The following METTL27 variants were observed in gnomAD, a reference collection of about 807,000 sequenced individuals.
METTL27 encodes methyltransferase-like protein 27.
A neutral mutation model predicts 24.5 loss-of-function variants in METTL27; 29 were observed. That is an observed-to-expected ratio of 1.18 (90% CI 0.88 to 1.61). METTL27 has a LOEUF of 1.61. Among genes scored for constraint, METTL27 ranks in the 40% most tolerant of loss-of-function variants. The probability of loss-of-function intolerance (pLI) is 0.00; values close to 1 mark genes in which losing one functional copy is unlikely to be tolerated. For synonymous variants in METTL27, 138 were observed against 146.8 expected (o/e 0.94, Z 0.43); for missense variants, 341 against 324.3 (o/e 1.05, Z -0.40).
Position 73,840,126 on chromosome 7 carries a change from TG to T in METTL27, c.389-7del. 1 of 1,258,376 alleles carries T rather than the reference TG, an allele frequency of 7.9e-7. No individual in the cohort carries two copies. Among genetic ancestry groups the T allele is most frequent in the Non-Finnish European group, 1.1e-6 (1 of 944,786 alleles). 78.0% of individuals were successfully genotyped at this position (1,258,376 alleles called of 1,614,324 possible). A position where few individuals can be genotyped will look rare whatever the true frequency, so the allele number is the denominator to read the frequency against. ...CAGCACCGCGTCGAAGGTCCCTGTG[TG>T]TGTGTGGGGGGGGGTGGGGACATGG... On this transcript the variant is annotated splice_polypyrimidine_tract_variant and splice_region_variant and intron_variant, in intron 4 of 5. Transcript: ENST00000297873.
rs1342750610 is a variant in METTL27, at chr7:73,837,251, T to G, written c.479-2249A>C. The stretch of plus-strand genomic sequence containing the variant: ...GTCCTATGACCCTGCCAAATCCCCC[T>G]CTGTGAGAAACACCCAAGAATTATC... On this transcript the variant is annotated intron_variant, in intron 5 of 5. Transcript: ENST00000297873. 1.9e-4 allele frequency among the ~76,000 whole-genome samples: 26 copies of G among 137,608 alleles called. No individual in the cohort carries two copies. In the East Asian group the frequency reaches 4.8e-3, roughly 25 times the overall value. 90.3% of individuals were successfully genotyped at this position (137,608 alleles called of 152,430 possible). A position where few individuals can be genotyped will look rare whatever the true frequency, so the allele number is the denominator to read the frequency against.
rs782303591 is a variant in METTL27, at chr7:73,834,772, T to A, written c.709A>T (p.Ser237Cys). ...TTCCTCAACCTGGGTCGCCTTCCAC[T>A]TTCGGTACAGGTAGACAATGCCGGA... ...SSPALSTCTE[S>C]GRRPRLRK Residue 237 changes from serine to cysteine, a missense_variant, in exon 6 of 6, where the codon AGT becomes TGT. Transcript: ENST00000297873. 1.9e-6 allele frequency: 3 copies of A among 1,614,124 alleles called. No homozygotes were observed. The highest frequency in any genetic ancestry group is 2.5e-6 in the Non-Finnish European group (3 of 1,180,016).
In METTL27 at chr7:73,836,075, G is replaced by A. The variant is rs1271360075; in HGVS notation, c.479-1073C>T. Reference sequence around the variant, plus strand: ...CGCCCGGCAGCCACCCCATCCGGGAGGGAGGTGGGGGGGTCAGCCCCCCGC... The same window carrying A: ...CGCCCGGCAGCCACCCCATCCGGGAAGGAGGTGGGGGGGTCAGCCCCCCGC... On this transcript the variant is annotated intron_variant, in intron 5 of 5. Transcript: ENST00000297873. Among the ~76,000 whole-genome samples, 8 of 152,138 alleles carry A rather than the reference G, an allele frequency of 5.3e-5. No individual in the cohort carries two copies. In the East Asian group the frequency reaches 1.6e-3, roughly 30 times the overall value.
chr7:73,835,039 G>T, intron 5 of METTL27, 37 bp from the exon 6 acceptor site: 1 of 1,574,340 alleles, frequency 6.4e-7, no homozygotes. Flanking sequence ...GGGAGGGGCA[G>T]GAGCCACAGT....
Position 73,842,143 on chromosome 7 carries a change from T to C in METTL27, c.-3A>G. The stretch of plus-strand genomic sequence containing the variant: ...CTCCCACCCTCCTCCTGGGCCATGC[T>C]CCTGTGGGGACACCGTTGCCCTGTC... On this transcript the variant is annotated splice_region_variant and 5_prime_UTR_variant, in exon 2 of 6. Transcript: ENST00000297873. 6.2e-7 allele frequency: 1 copy of C among 1,606,432 alleles called. No homozygotes were observed. Among genetic ancestry groups the C allele is most frequent in the Non-Finnish European group, 8.5e-7 (1 of 1,178,342 alleles).
intron 5 of METTL27, among the ~76,000 whole-genome samples, chr7:73,837,295 A>AAAT (rs1166550160): frequency 9.5e-6 from 1 of 105,260 alleles, no homozygotes; most frequent in Non-Finnish European, 2.2e-5. Context: ...ATAAATAAAT[A>AAAT]AATAAATAAA....
In METTL27 at chr7:73,841,059, A is replaced by C. The variant is rs1426471865; in HGVS notation, c.252+11T>G. 5.4e-6 allele frequency: 8 copies of C among 1,474,130 alleles called. No individual in the cohort carries two copies. Among genetic ancestry groups the C allele is most frequent in the Non-Finnish European group, 7.2e-6 (8 of 1,117,644 alleles). The allele number at this position is 1,474,130 out of a possible 1,614,324, so 91.3% of individuals were successfully genotyped here. On this transcript the variant is annotated intron_variant, in intron 3 of 5. Coordinates refer to ENST00000297873, the MANE Select transcript of METTL27 (RefSeq NM_152559.3). ...GCTAAGGAGTAGGCAGGGGATCTGGAAGAGCCTCACCTCGGCAGCCACTAG... is the reference window on the plus strand; with the variant it reads ...GCTAAGGAGTAGGCAGGGGATCTGGCAGAGCCTCACCTCGGCAGCCACTAG...
Position 73,840,685 on chromosome 7 carries a change from GTC to G in METTL27, c.253-138_253-137del, listed in dbSNP as rs1167323886. The G allele has an allele frequency of 4.7e-6, 6 of 1,263,404 alleles. No individual in the cohort carries two copies. The South Asian group carries it at 8.0e-5, about 17-fold the overall frequency. 78.3% of individuals were successfully genotyped at this position (1,263,404 alleles called of 1,614,324 possible). On this transcript the variant is annotated intron_variant, in intron 3 of 5. Transcript: ENST00000297873. Reference sequence around the variant, plus strand: ...GCTTTTTTTAAATTTTTGAGACAAGGTCTCTCTCTGTCGCCCAAACTGGAGTG... The same window carrying G: ...GCTTTTTTTAAATTTTTGAGACAAGGTCTCTCTGTCGCCCAAACTGGAGTG...
Position 73,842,054 on chromosome 7 carries a change from G to A in METTL27, c.87C>T (p.Leu29=), listed in dbSNP as rs1554636563. The A allele has an allele frequency of 6.2e-7, 1 of 1,614,120 alleles. No individual in the cohort carries two copies. The highest frequency in any genetic ancestry group is 1.1e-5 in the South Asian group (1 of 91,084). ...CCGGAGCCCAGCGGTCATAGAAATG[G>A]AGCTTTTGGGCCAGGTCGGGGATGC... is the stretch of plus-strand genomic sequence containing the variant. ...AHGIPDLAQK[L]HFYDRWAPDY... Residue 29 remains leucine (L), a synonymous_variant, in exon 2 of 6, where the codon CTC becomes CTT. Transcript: ENST00000297873.
At chr7:73,835,067 G>A in intron 5 of METTL27, 65 bp from the exon 6 acceptor site, 1 of 1,511,180 alleles carries the variant, frequency 6.6e-7, no homozygotes, top group Non-Finnish European at 8.8e-7. Flanking sequence ...CATCTCTGCT[G>A]GGGATGGTTG....
chr7:73,838,743 G>A (rs184206933), intron 5 of METTL27, among the ~76,000 whole-genome samples: 5 of 152,292 alleles, frequency 3.3e-5, no homozygotes, highest in East Asian at 3.9e-4. Flanking sequence ...GACCCCATCC[G>A]TGTCCCTGCA....
chr7:73,834,861 G>A lies in METTL27; in HGVS notation c.620C>T (p.Ala207Val), dbSNP rs782345013. 1 of 1,611,590 alleles carries A rather than the reference G, an allele frequency of 6.2e-7. No homozygotes were observed. The highest frequency in any genetic ancestry group is 1.1e-5 in the South Asian group (1 of 90,876). The change falls in exon 6 of 6, where the codon GCT becomes GTT. Residue 207 changes from alanine to valine, a missense_variant. Coordinates refer to ENST00000297873, the MANE Select transcript of METTL27 (RefSeq NM_152559.3). ...VAWPVDRLWT[A>V]GSWLPPSWRW... is the part of the protein sequence containing the mutation. Reference sequence around the variant, plus strand: ...CCAGCTCGGAGGTAGCCAGCTCCCAGCGGTCCACAGGCGGTCCACAGGCCA... The same window carrying A: ...CCAGCTCGGAGGTAGCCAGCTCCCAACGGTCCACAGGCGGTCCACAGGCCA...
Position 73,840,140 on chromosome 7 carries a change from G to T in METTL27, c.389-20C>A, listed in dbSNP as rs1296136969. The T allele has an allele frequency of 5.6e-6, 8 of 1,437,704 alleles. No individual in the cohort carries two copies. The highest frequency in any genetic ancestry group is 1.8e-5 in the Admixed American group (1 of 56,378). The allele number at this position is 1,437,704 out of a possible 1,614,324, so 89.1% of individuals were successfully genotyped here. ...AGGTCCCTGTGTGTGTGTGGGGGGGGGTGGGGACATGGTGTGATGCTTGGA... is the reference window on the plus strand; with the variant it reads ...AGGTCCCTGTGTGTGTGTGGGGGGGTGTGGGGACATGGTGTGATGCTTGGA... On this transcript the variant is annotated intron_variant, in intron 4 of 5. Transcript: ENST00000297873.
intron 5 of METTL27, among the ~76,000 whole-genome samples, chr7:73,836,421 G>A (rs1554635268): frequency 7.1e-6 from 1 of 140,702 alleles, no homozygotes. Context: ...TCAGCCCCCC[G>A]CCCGGCCAGC....
intron 5 of METTL27, among the ~76,000 whole-genome samples, chr7:73,837,282 AAAATAAAT>A (rs1309894433): frequency 3.7e-5 from 5 of 134,528 alleles, no homozygotes; most frequent in African/African-American, 5.3e-5. Flanking sequence ...TTATCAATAA[AAAATAAAT>A]AAATAAATAA....
intron 5 of METTL27, among the ~76,000 whole-genome samples, chr7:73,836,559 C>T (rs1432649161): frequency 7.9e-5 from 1 of 12,632 alleles, no homozygotes; most frequent in African/African-American, 3.8e-4. Flanking sequence ...CCCGGCCAGC[C>T]CCCCCATCCG....
intron 2 of METTL27, 73 bp downstream of exon 2, chr7:73,841,945 A>T: frequency 6.2e-7 from 1 of 1,611,328 alleles, no homozygotes; most frequent in Non-Finnish European, 8.5e-7. Flanking sequence ...CCCGGGTGCA[A>T]GGCTGATTCC....
At position 73,840,131 on chromosome 7, in the gene METTL27, G is replaced by A. The variant is rs781926215; in HGVS notation, c.389-11C>T. On this transcript the variant is annotated splice_polypyrimidine_tract_variant and intron_variant, in intron 4 of 5. Transcript: ENST00000297873. Reference sequence around the variant, plus strand: ...CCGCGTCGAAGGTCCCTGTGTGTGTGTGGGGGGGGGTGGGGACATGGTGTG... The same window carrying A: ...CCGCGTCGAAGGTCCCTGTGTGTGTATGGGGGGGGGTGGGGACATGGTGTG... 2 of 1,462,338 alleles carry A rather than the reference G, an allele frequency of 1.4e-6. No individual in the cohort carries two copies. The highest frequency in any genetic ancestry group is 1.9e-5 in the Admixed American group (1 of 51,750). 90.6% of individuals were successfully genotyped at this position (1,462,338 alleles called of 1,614,324 possible).
chr7:73,840,046 G>T lies in METTL27; in HGVS notation c.463C>A (p.His155Asn). 6.2e-7 allele frequency: 1 copy of T among 1,611,242 alleles called. No homozygotes were observed. Among genetic ancestry groups the T allele is most frequent in the Non-Finnish European group, 8.5e-7 (1 of 1,178,794 alleles). ...TGCTCCTCACCTGGCTTGGTGACAT[G>T]TAGCTCAGGTATCGCATTGCAGGGC... ...QVPCNAIPEL[H>N]VTKPGGLVCL... The change falls in exon 5 of 6, where the codon CAT (histidine) becomes AAT (asparagine). Residue 155 changes from histidine to asparagine, a missense_variant. Physicochemically the swap from His to Asn is moderately conservative, Grantham distance 68. Transcript: ENST00000297873.
Sources: gnomAD v4.1 joint callset for allele counts (sites outside exome capture counted in the v4.1 genomes callset) on GRCh38, gnomAD v4.1.1 for gene constraint, MANE v1.5 for transcripts, NCBI Gene and HGNC (gene_info 2026-07-23, HGNC 2026-07-21) for gene names.